Variants in PCDH11X observed in about 807,000 individuals in gnomAD.
PCDH11X encodes the protein protocadherin-11 X-linked.
A neutral mutation model predicts 53.3 loss-of-function variants in PCDH11X; 18 were observed. That is an observed-to-expected ratio of 0.34 (90% CI 0.23 to 0.50). PCDH11X has a LOEUF of 0.50. Ranked by LOEUF, PCDH11X falls within the 20% of genes least tolerant of loss-of-function variation. PCDH11X has a pLI of 0.98. For synonymous variants in PCDH11X, 279 were observed against 393.3 expected (o/e 0.71, Z 3.44); for missense variants, 570 against 1,032.4 (o/e 0.55, Z 6.14).
Position 92,623,179 on chromosome X carries a change from G to T in PCDH11X, c.*4239G>T, listed in dbSNP as rs1398411241. The T allele has an allele frequency of 9.1e-6, 1 of 110,253 alleles. No individual in the cohort carries two copies. Among genetic ancestry groups the T allele is most frequent in the East Asian group, 2.9e-4 (1 of 3,496 alleles). 9.1% of individuals were successfully genotyped at this position (110,253 alleles called of 1,213,427 possible). On this transcript the variant is annotated 3_prime_UTR_variant, in exon 11 of 11. Coordinates refer to ENST00000682573, the MANE Select transcript of PCDH11X (RefSeq NM_032968.5). The stretch of plus-strand genomic sequence containing the variant: ...TATTAATTGTTCTATTTCAGGTTCT[G>T]TATTGCATGTTTTCTTATTAATATA...
intron 6 of PCDH11X, among the ~76,000 whole-genome samples, chrX:92,171,859 C>T (rs780077033): frequency 3.3e-3 from 370 of 110,937 alleles, no homozygotes; most frequent in African/African-American, 0.011. Context: ...GAACATGGTA[C>T]ACCTTTTCAT....
intron 9 of PCDH11X, among the ~76,000 whole-genome samples, chrX:92,465,243 T>C (rs1401701492): frequency 4.5e-5 from 5 of 111,847 alleles, no homozygotes; most frequent in South Asian, 3.7e-4. Context: ...TTAGGAACTA[T>C]AATAAACATT....
intron 6 of PCDH11X, among the ~76,000 whole-genome samples, chrX:91,915,663 C>T (rs1941533234): frequency 9.0e-6 from 1 of 110,776 alleles, no homozygotes; most frequent in Non-Finnish European, 1.9e-5. Context: ...ACGCACCTAA[C>T]GCTGGAATTT....
intron 10 of PCDH11X, among the ~76,000 whole-genome samples, chrX:92,555,198 A>C (rs187841347): frequency 0.023 from 2,518 of 111,103 alleles, 78 homozygotes; most frequent in African/African-American, 0.077. Context: ...AAATAAAATT[A>C]AGGCCCACAC....
At chrX:92,588,699 G>C (rs1481942423) in intron 10 of PCDH11X, among the ~76,000 whole-genome samples, 3 of 109,423 alleles carry the variant, frequency 2.7e-5, no homozygotes, top group Non-Finnish European at 3.8e-5. Flanking sequence ...AAGGGGTATT[G>C]GCCTTAAAGA....
At chrX:92,162,338 T>C (rs2047294013) in intron 6 of PCDH11X, among the ~76,000 whole-genome samples, 1 of 109,506 alleles carries the variant, frequency 9.1e-6, no homozygotes, top group Non-Finnish European at 1.9e-5. Context: ...ATTACAGGTG[T>C]GCACCACCAT....
At chrX:92,384,715 G>A (rs978020101) in intron 8 of PCDH11X, among the ~76,000 whole-genome samples, 1 of 105,064 alleles carries the variant, frequency 9.5e-6, no homozygotes, top group African/African-American at 3.5e-5. Context: ...TATCGATCTG[G>A]GTGGTGCCAG....
chrX:91,869,257 G>A (rs999793078), intron 5 of PCDH11X, among the ~76,000 whole-genome samples: 9 of 110,032 alleles, frequency 8.2e-5, no homozygotes, highest in Admixed American at 9.6e-5. Flanking sequence ...TGCTCTTTTT[G>A]GGCAGTAATT....
At chrX:92,370,188 G>T in intron 8 of PCDH11X, among the ~76,000 whole-genome samples, 1 of 110,798 alleles carries the variant, frequency 9.0e-6, no homozygotes, top group Non-Finnish European at 1.9e-5. Flanking sequence ...GCTTAAAAGT[G>T]TTGTTTAATT....
chrX:92,274,903 G>A (rs2068047944), intron 8 of PCDH11X, among the ~76,000 whole-genome samples: 1 of 109,860 alleles, frequency 9.1e-6, no homozygotes, highest in Non-Finnish European at 1.9e-5. Context: ...GGATCAGAGA[G>A]ATACAGTCAT....
At chrX:91,829,444 C>CA (rs1569400551) in intron 4 of PCDH11X, among the ~76,000 whole-genome samples, 378 of 45,885 alleles carry the variant, frequency 8.2e-3, no homozygotes, top group African/African-American at 0.026. Flanking sequence ...ACACACACAC[C>CA]CACAATTATA....
intron 10 of PCDH11X, among the ~76,000 whole-genome samples, chrX:92,492,499 T>TTCTC (rs1222787118): frequency 8.9e-6 from 1 of 112,335 alleles, no homozygotes; most frequent in Non-Finnish European, 1.9e-5. Flanking sequence ...TTTTATTTTG[T>TTCTC]TCTCTCTCAC....
In PCDH11X at chrX:92,398,565, G is replaced by A. The variant is rs762451749; in HGVS notation, c.3343+10632G>A. ...TAAGATTTTTAAAATACATTAAAAT[G>A]TAAGAGATGCAGATATGTTTAATTC... On this transcript the variant is annotated intron_variant, in intron 9 of 10. Transcript: ENST00000682573. 5.4e-5 allele frequency among the ~76,000 whole-genome samples: 6 copies of A among 111,727 alleles called. No homozygotes were observed. The East Asian group carries it at 1.4e-3, about 26-fold the overall frequency.
At chrX:91,826,823 C>T (rs375368153) in intron 4 of PCDH11X, among the ~76,000 whole-genome samples, 1 of 89,234 alleles carries the variant, frequency 1.1e-5, no homozygotes, top group East Asian at 3.6e-4. Flanking sequence ...CATAGTATTC[C>T]ATGATGTATA....
At chrX:92,117,293 G>C (rs7888999) in intron 6 of PCDH11X, among the ~76,000 whole-genome samples, 1 of 109,067 alleles carries the variant, frequency 9.2e-6, no homozygotes, top group Non-Finnish European at 1.9e-5. Flanking sequence ...AAAATTAGCC[G>C]AGCATGGTGG....
intron 8 of PCDH11X, among the ~76,000 whole-genome samples, chrX:92,355,931 AC>A (rs1034350723): frequency 7.2e-5 from 8 of 111,196 alleles, no homozygotes; most frequent in African/African-American, 2.6e-4. Flanking sequence ...TAAAAAAAAA[AC>A]CACTTTAAAT....
chrX:92,084,455 G>T (rs146171098), intron 6 of PCDH11X, among the ~76,000 whole-genome samples: 1,301 of 107,164 alleles, frequency 0.012, 14 homozygotes, highest in African/African-American at 0.042. Flanking sequence ...ACTGAGGCAG[G>T]AGAATCGCTT....
intron 6 of PCDH11X, among the ~76,000 whole-genome samples, chrX:92,152,944 C>T (rs2065466273): frequency 1.9e-5 from 2 of 107,618 alleles, no homozygotes; most frequent in African/African-American, 6.8e-5. Context: ...ATTACAGGCA[C>T]CTGGCTAATT....
chrX:91,815,476 A>C (rs895884475), intron 4 of PCDH11X, among the ~76,000 whole-genome samples: 1 of 111,636 alleles, frequency 9.0e-6, no homozygotes, highest in African/African-American at 3.3e-5. Context: ...TGTATGAAAA[A>C]ATTTTTCATT....
Sources: gnomAD v4.1 joint callset for allele counts (sites outside exome capture counted in the v4.1 genomes callset) on GRCh38, gnomAD v4.1.1 for gene constraint, MANE v1.5 for transcripts, NCBI Gene and HGNC (gene_info 2026-07-23, HGNC 2026-07-21) for gene names.